PCDHGA4: variants seen among roughly 807,000 people sequenced by gnomAD.
The protein encoded by PCDHGA4 is protocadherin gamma-A4.
PCDHGA4 carries 38 observed loss-of-function variants against 54.6 expected under a neutral mutation model. The ratio of observed to expected loss-of-function variants is 0.70; its 90% CI spans 0.54 to 0.91. The LOEUF (loss-of-function observed/expected upper bound fraction) is 0.91. Among genes scored for constraint, PCDHGA4 ranks in the 40% least tolerant of loss-of-function variants. PCDHGA4 has a pLI of 0.00. For synonymous variants in PCDHGA4, 511 were observed against 512.9 expected (o/e 1.00, Z 0.05); for missense variants, 1,298 against 1,220.9 (o/e 1.06, Z -0.94).
chr5:141,478,135 C>T (rs1307702473), intron 1 of PCDHGA4: 7 of 1,613,970 alleles, frequency 4.3e-6, no homozygotes, highest in African/African-American at 1.3e-5. Flanking sequence ...CTCCTGAAGC[C>T]CGAGCCGAGT....
At chr5:141,390,233 T>C (rs1388812754) in intron 1 of PCDHGA4, 1 of 1,614,068 alleles carries the variant, frequency 6.2e-7, no homozygotes, top group Non-Finnish European at 8.5e-7. Flanking sequence ...GTGATTCATC[T>C]GGGGCCTTAT....
In PCDHGA4 at chr5:141,355,440, C is replaced by T. The variant is rs1422481246; in HGVS notation, c.333C>T (p.Arg111=). 6.2e-7 allele frequency: 1 copy of T among 1,614,130 alleles called. No individual in the cohort carries two copies. The change falls in exon 1 of 4, where the codon CGC becomes CGT. Residue 111 remains arginine, a synonymous_variant. Transcript: ENST00000571252. The stretch of plus-strand genomic sequence containing the variant: ...CGCAGCTTTTCGCCCTGAACCCGCG[C>T]AGCGGCACCTTGGTCACCGCGGGTA... ...GRTQLFALNP[R]SGTLVTAGRI...
At chr5:141,407,271 GA>G (rs2094907406) in intron 1 of PCDHGA4, among the ~76,000 whole-genome samples, 1 of 152,204 alleles carries the variant, frequency 6.6e-6, no homozygotes, top group African/African-American at 2.4e-5. Context: ...CATGCAACAA[GA>G]AAATTGTTAC....
chr5:141,366,258 TG>T (rs758170088), intron 1 of PCDHGA4: 16 of 1,613,596 alleles, frequency 9.9e-6, no homozygotes, highest in Non-Finnish European at 1.4e-5. Flanking sequence ...CAGAGCCTCG[TG>T]GTGGCCGTCG....
intron 1 of PCDHGA4, among the ~76,000 whole-genome samples, chr5:141,462,993 T>A (rs1350208420): frequency 1.3e-5 from 2 of 152,164 alleles, no homozygotes; most frequent in African/African-American, 4.8e-5. Flanking sequence ...TTGGGCTAAT[T>A]TAGACCTACC....
At chr5:141,421,147 G>A in intron 1 of PCDHGA4, 1 of 1,019,036 alleles carries the variant, frequency 9.8e-7, no homozygotes, top group South Asian at 1.7e-5. Context: ...GGATGTAGTC[G>A]GCCTAGGACT....
At chr5:141,372,197 C>A in intron 1 of PCDHGA4, 1 of 1,613,590 alleles carries the variant, frequency 6.2e-7, no homozygotes, top group Non-Finnish European at 8.5e-7. Context: ...CGGGATACAA[C>A]GCCTGGCTGT....
At chr5:141,400,685 T>G in intron 1 of PCDHGA4, 1 of 827,408 alleles carries the variant, frequency 1.2e-6, no homozygotes, top group South Asian at 1.8e-5. Context: ...AAATTGTGAG[T>G]TTTTATGTCG....
chr5:141,473,117 C>A (rs976493841), intron 1 of PCDHGA4, among the ~76,000 whole-genome samples: 4 of 152,140 alleles, frequency 2.6e-5, no homozygotes, highest in Admixed American at 1.3e-4. Flanking sequence ...CTTTACTTGG[C>A]TCTTTGGCAA....
intron 1 of PCDHGA4, chr5:141,427,894 C>T (rs974220302): frequency 1.3e-6 from 2 of 1,568,222 alleles, no homozygotes; most frequent in East Asian, 2.2e-5. Flanking sequence ...GACCAGGGCT[C>T]GCCCGCGCTC....
intron 1 of PCDHGA4, among the ~76,000 whole-genome samples, chr5:141,462,361 T>C (rs1354253099): frequency 6.6e-6 from 1 of 152,282 alleles, no homozygotes; most frequent in Non-Finnish European, 1.5e-5. Flanking sequence ...ATACATTGTA[T>C]AGTTTCTATT....
At position 141,375,580 on chromosome 5, in the gene PCDHGA4, G is replaced by C; in HGVS notation, c.2514+17959G>C. The C allele has an allele frequency of 1.9e-6, 3 of 1,614,092 alleles. 1 individual carries two copies. The highest frequency in any genetic ancestry group is 2.2e-5 in the South Asian group (2 of 91,078). On this transcript the variant is annotated intron_variant, in intron 1 of 3. Transcript: ENST00000571252. ...TGGCAGAAGACACCCTCCAGGGGGC[G>C]CCCCTGTCCTCCTACGTGTCCATCA...
intron 1 of PCDHGA4, among the ~76,000 whole-genome samples, chr5:141,470,997 A>G (rs905897657): frequency 3.8e-4 from 57 of 150,462 alleles, no homozygotes; most frequent in African/African-American, 1.3e-3. Flanking sequence ...GACTACAGGC[A>G]TGAGCCACTG....
chr5:141,491,794 TCCGG>T lies in PCDHGA4; in HGVS notation c.2515-3007_2515-3004del. The T allele has an allele frequency of 6.6e-7, 1 of 1,511,056 alleles. No homozygotes were observed. The highest frequency in any genetic ancestry group is 8.8e-7 in the Non-Finnish European group (1 of 1,130,146). 93.6% of individuals were successfully genotyped at this position (1,511,056 alleles called of 1,614,324 possible). A position where few individuals can be genotyped will look rare whatever the true frequency, so the allele number is the denominator to read the frequency against. Reference sequence around the variant, plus strand: ...GGGATTGAACTTGCATCCACTCCTCTCCGGCCGGCTTGGTCGCTGGCTGCGCTCC... The same window carrying T: ...GGGATTGAACTTGCATCCACTCCTCTCCGGCTTGGTCGCTGGCTGCGCTCC... On this transcript the variant is annotated intron_variant, in intron 1 of 3. Transcript: ENST00000571252. The surrounding 1 kb of genome is among the most constrained non-coding windows in gnomAD (Gnocchi z 6.9).
chr5:141,365,329 G>T (rs768826451), intron 1 of PCDHGA4: 1 of 1,613,968 alleles, frequency 6.2e-7, no homozygotes, highest in Non-Finnish European at 8.5e-7. Flanking sequence ...GCGCTAAGGT[G>T]GTGGTCACAG....
At chr5:141,440,579 C>G (rs1004258822) in intron 1 of PCDHGA4, 12 of 152,188 alleles carry the variant, frequency 7.9e-5, no homozygotes, top group African/African-American at 2.7e-4. Flanking sequence ...TGAGTTTACC[C>G]AGCTGGAACA....
At chr5:141,413,124 AAC>A in intron 1 of PCDHGA4, 2 of 1,528,020 alleles carry the variant, frequency 1.3e-6, no homozygotes, top group Non-Finnish European at 1.8e-6. Flanking sequence ...AACCGGTTGA[AAC>A]ACACAACGTG....
intron 1 of PCDHGA4, among the ~76,000 whole-genome samples, chr5:141,474,266 G>A (rs1420620306): frequency 6.6e-6 from 1 of 152,186 alleles, no homozygotes; most frequent in Non-Finnish European, 1.5e-5. Context: ...ATAAACCAGT[G>A]TATCTCTGAA....
At chr5:141,381,826 C>CTTTTTTTTTTTTT (rs770630741) in intron 1 of PCDHGA4, among the ~76,000 whole-genome samples, 10 of 74,294 alleles carry the variant, frequency 1.3e-4, no homozygotes, top group Non-Finnish European at 1.9e-4. Context: ...CTTTCTTCTT[C>CTTTTTTTTTTTTT]TTTTTTTTTT....
Sources: allele counts gnomAD v4.1 joint callset (sites outside exome capture counted in the v4.1 genomes callset), GRCh38; gene constraint gnomAD v4.1.1; non-coding constraint Gnocchi (gnomAD v3.1); transcripts MANE v1.5; gene names NCBI Gene and HGNC (gene_info 2026-07-23, HGNC 2026-07-21).